NRXN3: variants seen among roughly 807,000 people sequenced by gnomAD.
NRXN3 encodes the protein neurexin 3.
A neutral mutation model predicts 137.6 loss-of-function variants in NRXN3; 32 were observed. That is an observed-to-expected ratio of 0.23 (90% confidence interval 0.18 to 0.31). The LOEUF (loss-of-function observed/expected upper bound fraction) is 0.31. Ranked by LOEUF, NRXN3 falls within the 10% of genes least tolerant of loss-of-function variation. The probability of loss-of-function intolerance (pLI) is 1.00; values close to 1 mark genes in which losing one functional copy is unlikely to be tolerated. For missense variants in NRXN3, 1,574 were observed against 2,062.5 expected (o/e 0.76, Z 4.59); for synonymous variants, 798 against 784.5 (o/e 1.02, Z -0.29).
intron 4 of NRXN3, among the ~76,000 whole-genome samples, chr14:78,302,160 A>C (rs2076936206): frequency 6.6e-6 from 1 of 152,078 alleles, no homozygotes. Context: ...AATACATTAG[A>C]TTCAGTCTCT....
At chr14:78,309,347 C>T (rs8018257) in intron 4 of NRXN3, among the ~76,000 whole-genome samples, 102,626 of 151,534 alleles carry the variant, frequency 0.68, 36,163 homozygotes, top group African/African-American at 0.89. Flanking sequence ...ATTTGTTATA[C>T]AGGTAAATTG....
intron 6 of NRXN3, among the ~76,000 whole-genome samples, chr14:78,704,607 G>A (rs199857773): frequency 3.3e-5 from 5 of 152,120 alleles, no homozygotes; most frequent in African/African-American, 9.7e-5. Context: ...TGCTTTGTGT[G>A]TAGGCATGGG....
chr14:79,669,844 C>G (rs1046520882), intron 17 of NRXN3, among the ~76,000 whole-genome samples: 2 of 152,044 alleles, frequency 1.3e-5, no homozygotes, highest in African/African-American at 4.8e-5. Context: ...TTGAGAAACA[C>G]TGGCCCAGGC....
At chr14:79,803,046 A>G (rs1213486521) in intron 19 of NRXN3, among the ~76,000 whole-genome samples, 1 of 152,192 alleles carries the variant, frequency 6.6e-6, no homozygotes, top group African/African-American at 2.4e-5. Flanking sequence ...CTTTAATAAA[A>G]TTAAAAAAAT....
chr14:78,502,024 C>T lies in NRXN3; in HGVS notation c.758-143096C>T, dbSNP rs547532138. The stretch of plus-strand genomic sequence containing the variant: ...AACACTGGATCTCCACAGAAAGCCA[C>T]AAAGGCCCAGAGATGTGTTCGCACA... On this transcript the variant is annotated intron_variant, in intron 4 of 20. Coordinates refer to ENST00000335750, the MANE Select transcript of NRXN3 (RefSeq NM_001330195.2). Among the ~76,000 whole-genome samples the T allele has an allele frequency of 1.4e-3, 207 of 152,244 alleles. 1 individual carries two copies. The highest frequency in any genetic ancestry group is 4.6e-3 in the African/African-American group (191 of 41,554).
chr14:79,807,979 C>A (rs1273997035), intron 20 of NRXN3, among the ~76,000 whole-genome samples: 1 of 152,028 alleles, frequency 6.6e-6, no homozygotes, highest in East Asian at 1.9e-4. Context: ...GGATTACCTG[C>A]TTAGAGCTAT....
At chr14:79,337,151 C>A (rs1193964305) in intron 15 of NRXN3, among the ~76,000 whole-genome samples, 1 of 152,126 alleles carries the variant, frequency 6.6e-6, no homozygotes, top group Non-Finnish European at 1.5e-5. Flanking sequence ...ATTTTAAGAA[C>A]AATTTAAGTT....
At chr14:79,279,692 G>T (rs1598240397) in intron 15 of NRXN3, 6 of 986,274 alleles carry the variant, frequency 6.1e-6, no homozygotes, top group Non-Finnish European at 7.2e-6. Context: ...CACGCCCAGG[G>T]TTAAAAGCCT....
chr14:79,455,329 T>C (rs1232121481), intron 15 of NRXN3, among the ~76,000 whole-genome samples: 1 of 152,194 alleles, frequency 6.6e-6, no homozygotes, highest in East Asian at 1.9e-4. Flanking sequence ...AGGAACACAT[T>C]GAAAGTTAGG....
intron 15 of NRXN3, among the ~76,000 whole-genome samples, chr14:79,136,779 T>A (rs2058269970): frequency 6.6e-6 from 1 of 152,206 alleles, no homozygotes; most frequent in South Asian, 2.1e-4. Flanking sequence ...AGAAAAGGAA[T>A]TCTTAAGGAT....
intron 16 of NRXN3, among the ~76,000 whole-genome samples, chr14:79,553,539 A>G (rs1392125169): frequency 6.6e-6 from 1 of 152,126 alleles, no homozygotes; most frequent in Non-Finnish European, 1.5e-5. Context: ...CTATTGTGAG[A>G]TAACTACATG....
chr14:78,701,091 A>G (rs762358073), intron 6 of NRXN3, among the ~76,000 whole-genome samples: 1 of 152,290 alleles, frequency 6.6e-6, no homozygotes. Context: ...TCTATAAGAT[A>G]CACAAATACA....
intron 15 of NRXN3, among the ~76,000 whole-genome samples, chr14:79,317,790 T>A (rs1252557769): frequency 6.6e-6 from 1 of 152,240 alleles, no homozygotes; most frequent in Non-Finnish European, 1.5e-5. Flanking sequence ...TATATTTTTG[T>A]TATAGTCTGT....
At chr14:79,213,811 C>A (rs1241844502) in intron 15 of NRXN3, among the ~76,000 whole-genome samples, 1 of 152,104 alleles carries the variant, frequency 6.6e-6, no homozygotes, top group Non-Finnish European at 1.5e-5. Context: ...AATGTCAGCA[C>A]CAGTTCCAGA....
chr14:78,961,484 A>G (rs1005821501), intron 11 of NRXN3, among the ~76,000 whole-genome samples: 8 of 152,240 alleles, frequency 5.3e-5, no homozygotes, highest in Admixed American at 3.9e-4. Flanking sequence ...ACACAAAAAA[A>G]GAGAAAAACA....
intron 8 of NRXN3, among the ~76,000 whole-genome samples, chr14:78,789,346 G>A (rs2098798608): frequency 6.6e-6 from 1 of 152,092 alleles, no homozygotes; most frequent in African/African-American, 2.4e-5. Flanking sequence ...AACTGGGGGT[G>A]ACTTTTCCCC....
chr14:78,346,721 C>T (rs755031417), intron 4 of NRXN3, among the ~76,000 whole-genome samples: 1 of 152,174 alleles, frequency 6.6e-6, no homozygotes, highest in Non-Finnish European at 1.5e-5. Flanking sequence ...AACCACCTAA[C>T]CCACCATGCC....
At chr14:79,392,925 C>T (rs1041506320) in intron 15 of NRXN3, among the ~76,000 whole-genome samples, 1 of 139,694 alleles carries the variant, frequency 7.2e-6, no homozygotes, top group African/African-American at 2.7e-5. Context: ...AGCCAAGATC[C>T]TGCCACTGCA....
chr14:79,668,814 C>T (rs551954315), intron 17 of NRXN3, among the ~76,000 whole-genome samples: 2 of 152,028 alleles, frequency 1.3e-5, no homozygotes, highest in South Asian at 2.1e-4. Flanking sequence ...ACCCTCTGGT[C>T]AGCAAAATCA....
Sources: allele counts gnomAD v4.1 joint callset (sites outside exome capture counted in the v4.1 genomes callset), GRCh38; gene constraint gnomAD v4.1.1; transcripts MANE v1.5; gene names NCBI Gene and HGNC (gene_info 2026-07-23, HGNC 2026-07-21).